The following FUT9 variants were observed in gnomAD, a reference collection of about 807,000 sequenced individuals.
FUT9 encodes 4-galactosyl-N-acetylglucosaminide 3-alpha-L-fucosyltransferase 9.
A neutral mutation model predicts 29.7 loss-of-function variants in FUT9; 15 were observed. That is an observed-to-expected ratio of 0.51 (90% CI 0.34 to 0.78). The LOEUF (loss-of-function observed/expected upper bound fraction) is 0.78. FUT9 is among the 30% of genes least tolerant of loss of function. The probability of loss-of-function intolerance (pLI) is 0.01; values close to 1 mark genes in which losing one functional copy is unlikely to be tolerated. For missense variants in FUT9, 319 were observed against 425.4 expected, an observed-to-expected ratio of 0.75 and a Z score of 2.20; for synonymous variants, 169 against 153.7, an observed-to-expected ratio of 1.10 and a Z score of -0.74.
intron 2 of FUT9, among the ~76,000 whole-genome samples, chr6:96,135,414 G>A (rs1165924947): frequency 6.6e-6 from 1 of 151,896 alleles, no homozygotes; most frequent in Non-Finnish European, 1.5e-5. Context: ...TTGGGCCCAA[G>A]AGAAAGGTGT....
intron 2 of FUT9, among the ~76,000 whole-genome samples, chr6:96,128,496 T>G (rs1450289140): frequency 6.6e-6 from 1 of 152,206 alleles, no homozygotes; most frequent in Non-Finnish European, 1.5e-5. Context: ...TTAAGTGTTG[T>G]GGAAAATTTG....
At chr6:96,081,211 A>G (rs1771231875) in intron 1 of FUT9, among the ~76,000 whole-genome samples, 1 of 151,870 alleles carries the variant, frequency 6.6e-6, no homozygotes, top group Non-Finnish European at 1.5e-5. Context: ...AACAATATCA[A>G]TAATTTTGAG....
intron 1 of FUT9, among the ~76,000 whole-genome samples, chr6:96,070,311 T>C (rs1344425257): frequency 6.6e-6 from 1 of 152,216 alleles, no homozygotes; most frequent in Non-Finnish European, 1.5e-5. Flanking sequence ...TATTAAAGCA[T>C]TATTTGTAAT....
At chr6:96,140,578 C>T (rs913062136) in intron 2 of FUT9, among the ~76,000 whole-genome samples, 1 of 152,172 alleles carries the variant, frequency 6.6e-6, no homozygotes, top group East Asian at 1.9e-4. Context: ...AATTGACTTA[C>T]AGTTCCACAT....
At chr6:96,118,530 A>G (rs1211026463) in intron 2 of FUT9, among the ~76,000 whole-genome samples, 2 of 152,248 alleles carry the variant, frequency 1.3e-5, no homozygotes, top group East Asian at 3.8e-4. Context: ...CCAGTTGTAT[A>G]AAAGTGTAGT....
chr6:96,075,293 A>G (rs926573407), intron 1 of FUT9, among the ~76,000 whole-genome samples: 6 of 152,162 alleles, frequency 3.9e-5, no homozygotes, highest in African/African-American at 1.4e-4. Flanking sequence ...GAGAAAAATC[A>G]AAGTTTCACA....
intron 2 of FUT9, among the ~76,000 whole-genome samples, chr6:96,148,042 A>G (rs1002584924): frequency 2.2e-4 from 21 of 97,506 alleles, no homozygotes. Context: ...TGTTGGAAAG[A>G]AAAAAAAAAT....
At chr6:96,145,662 A>G (rs1772553152) in intron 2 of FUT9, among the ~76,000 whole-genome samples, 1 of 152,096 alleles carries the variant, frequency 6.6e-6, no homozygotes, top group Non-Finnish European at 1.5e-5. Context: ...GAAGTGAAGG[A>G]GCTGACCATG....
At chr6:96,059,652 C>G (rs763996833) in intron 1 of FUT9, among the ~76,000 whole-genome samples, 1 of 152,152 alleles carries the variant, frequency 6.6e-6, no homozygotes, top group Non-Finnish European at 1.5e-5. Flanking sequence ...CTCTGAGGCT[C>G]ATTTCTAACT....
At chr6:96,141,170 A>G (rs1033290967) in intron 2 of FUT9, among the ~76,000 whole-genome samples, 1 of 152,162 alleles carries the variant, frequency 6.6e-6, no homozygotes, top group African/African-American at 2.4e-5. Flanking sequence ...TCCTTTAATG[A>G]TAAGTTTCTT....
At chr6:96,202,306 T>C (rs959529684) in intron 2 of FUT9, among the ~76,000 whole-genome samples, 17 of 152,256 alleles carry the variant, frequency 1.1e-4, no homozygotes, top group Admixed American at 4.6e-4. Context: ...TAGCCCTTTT[T>C]TGAGAATTTG....
In FUT9 at chr6:96,169,039, T is replaced by C. The variant is rs115444996; in HGVS notation, c.-8-34109T>C. Among the ~76,000 whole-genome samples, 468 of 152,316 alleles carry C rather than the reference T, an allele frequency of 3.1e-3. 1 individual carries two copies. The highest frequency in any genetic ancestry group is 1.0e-2 in the African/African-American group (414 of 41,576). ...GTGGAATAAAAGTGGGTTGACGTTCTGTTCTTTACATATATCATTAGCAGT... is the reference window on the plus strand; with the variant it reads ...GTGGAATAAAAGTGGGTTGACGTTCCGTTCTTTACATATATCATTAGCAGT... On this transcript the variant is annotated intron_variant, in intron 2 of 2. Transcript: ENST00000302103.
chr6:96,084,435 T>TATTTAGA, intron 1 of FUT9, among the ~76,000 whole-genome samples: 1 of 152,076 alleles, frequency 6.6e-6, no homozygotes, highest in Non-Finnish European at 1.5e-5. Context: ...CTCTTGTCAA[T>TATTTAGA]TACAAATATA....
intron 2 of FUT9, among the ~76,000 whole-genome samples, chr6:96,174,814 AC>A (rs1417382992): frequency 6.6e-6 from 1 of 152,166 alleles, no homozygotes; most frequent in Middle Eastern, 3.2e-3. Flanking sequence ...AAACTCAAAG[AC>A]TTTTTCAATA....
intron 2 of FUT9, among the ~76,000 whole-genome samples, chr6:96,179,001 T>C (rs1283259440): frequency 1.3e-5 from 2 of 152,126 alleles, no homozygotes; most frequent in Non-Finnish European, 2.9e-5. Flanking sequence ...TTCTGTCATT[T>C]TGGGATTTCG....
chr6:96,078,405 C>CTGA (rs1201729276), intron 1 of FUT9, among the ~76,000 whole-genome samples: 35 of 45,224 alleles, frequency 7.7e-4, no homozygotes, highest in Non-Finnish European at 9.5e-4. Context: ...TCATATTAGT[C>CTGA]TTCTTTTTTT....
intron 1 of FUT9, among the ~76,000 whole-genome samples, chr6:96,039,434 T>G (rs1383135348): frequency 6.6e-6 from 1 of 152,130 alleles, no homozygotes; most frequent in Non-Finnish European, 1.5e-5. Context: ...GCCTGTAAGT[T>G]TCTACTGAGC....
intron 1 of FUT9, among the ~76,000 whole-genome samples, chr6:96,083,391 A>G (rs893959352): frequency 6.6e-6 from 1 of 152,122 alleles, no homozygotes; most frequent in African/African-American, 2.4e-5. Flanking sequence ...TAAGTAGCAG[A>G]TAATATTAAA....
intron 2 of FUT9, among the ~76,000 whole-genome samples, chr6:96,146,610 A>C (rs1196005777): frequency 6.6e-6 from 1 of 152,204 alleles, no homozygotes; most frequent in Non-Finnish European, 1.5e-5. Context: ...ATTTAAAGAG[A>C]AATAAATTAA....
Sources: gnomAD v4.1 joint callset for allele counts (sites outside exome capture counted in the v4.1 genomes callset) on GRCh38, gnomAD v4.1.1 for gene constraint, MANE v1.5 for transcripts, NCBI Gene and HGNC (gene_info 2026-07-23, HGNC 2026-07-21) for gene names.